KALRN: variants seen among roughly 807,000 people sequenced by gnomAD.
KALRN encodes kalirin RhoGEF kinase.
A neutral mutation model predicts 353.7 loss-of-function variants in KALRN; 70 were observed. The ratio of observed to expected loss-of-function variants is 0.20; its 90% confidence interval spans 0.16 to 0.24. The LOEUF is 0.24. Among genes scored for constraint, KALRN ranks in the 10% least tolerant of loss-of-function variants. The pLI is 1.00. For synonymous variants in KALRN, 1,391 were observed against 1,434.8 expected (o/e 0.97, Z 0.69); for missense variants, 2,791 against 3,756.7 (o/e 0.74, Z 6.72).
intron 26 of KALRN, among the ~76,000 whole-genome samples, chr3:124,476,930 T>G (rs1311790491): frequency 2.0e-5 from 3 of 152,194 alleles, no homozygotes; most frequent in Non-Finnish European, 4.4e-5. Flanking sequence ...AAGGGTAAAA[T>G]CTGTAAATAA....
intron 1 of KALRN, among the ~76,000 whole-genome samples, chr3:124,155,289 T>C (rs1254672450): frequency 6.6e-6 from 1 of 152,198 alleles, no homozygotes; most frequent in African/African-American, 2.4e-5. Context: ...AGAGATTTTT[T>C]TTCTCCTGTT....
At chr3:124,135,996 C>T (rs1352133233) in intron 1 of KALRN, among the ~76,000 whole-genome samples, 1 of 152,130 alleles carries the variant, frequency 6.6e-6, no homozygotes, top group Non-Finnish European at 1.5e-5. Context: ...GTCCTCATCT[C>T]CTTACTGCAG....
chr3:124,374,407 T>A (rs1320392569), intron 10 of KALRN: 1 of 152,240 alleles, frequency 6.6e-6, no homozygotes, highest in Non-Finnish European at 1.5e-5. Flanking sequence ...GTACCTTTGC[T>A]CTTATATCAG....
chr3:124,599,543 G>C (rs919151805), intron 34 of KALRN, among the ~76,000 whole-genome samples: 14 of 152,192 alleles, frequency 9.2e-5, no homozygotes, highest in Non-Finnish European at 1.5e-5. Context: ...GCTGCCTCCT[G>C]CTGCGATAAC....
At chr3:124,466,034 CTGTG>C (rs10639598) in intron 25 of KALRN, among the ~76,000 whole-genome samples, 17,303 of 147,280 alleles carry the variant, frequency 0.12, 1,403 homozygotes, top group East Asian at 0.39. Flanking sequence ...CTCTCTTGCT[CTGTG>C]TGTGTGTGTG....
At chr3:124,111,481 G>A (rs1476127541) in intron 1 of KALRN, among the ~76,000 whole-genome samples, 3 of 152,166 alleles carry the variant, frequency 2.0e-5, no homozygotes, top group Non-Finnish European at 4.4e-5. Flanking sequence ...GTCCCCTGAA[G>A]CACATGGATG....
Position 124,562,947 on chromosome 3 carries a change from G to C in KALRN, c.5040G>C (p.Arg1680=), listed in dbSNP as rs761246064. The change falls in exon 34 of 60, where the codon CGG becomes CGC. Residue 1680 remains arginine, a synonymous_variant. Transcript: ENST00000682506. ...GGCAGACGGTAGAGCTGCTGGAGCG[G>C]CCCAGCGAGCGGCCTGGTTGGTGTC... ...QVGQTVELLE[R]PSERPGWCLV... The C allele has an allele frequency of 7.3e-7, 1 of 1,367,908 alleles. No individual in the cohort carries two copies. Among genetic ancestry groups the C allele is most frequent in the South Asian group, 1.1e-5 (1 of 88,048 alleles). 84.7% of individuals were successfully genotyped at this position (1,367,908 alleles called of 1,614,324 possible).
At chr3:124,407,966 G>A (rs1419516020) in intron 13 of KALRN, among the ~76,000 whole-genome samples, 1 of 151,988 alleles carries the variant, frequency 6.6e-6, no homozygotes, top group Non-Finnish European at 1.5e-5. Flanking sequence ...GTAGAGACGG[G>A]GTTTCACCGT....
chr3:124,093,052 G>A (rs1242533139), intron 1 of KALRN, among the ~76,000 whole-genome samples: 1 of 152,138 alleles, frequency 6.6e-6, no homozygotes, highest in Non-Finnish European at 1.5e-5. Flanking sequence ...TGTCTCTGCC[G>A]AGACCCAATG....
chr3:124,693,949 G>A (rs2061940348), intron 52 of KALRN, 118 bp downstream of exon 52: 1 of 713,782 alleles, frequency 1.4e-6, no homozygotes, highest in Non-Finnish European at 2.3e-6. Flanking sequence ...CAATGGACAA[G>A]GAAAGAGGTT....
At chr3:124,659,016 A>G (rs538675410) in intron 42 of KALRN, among the ~76,000 whole-genome samples, 114 of 152,340 alleles carry the variant, frequency 7.5e-4, no homozygotes, top group African/African-American at 2.5e-3. Context: ...GCCTGGCTCC[A>G]TAGGCTTGTG....
rs1277783302 is a variant in KALRN at position 124,562,877 on chromosome 3, A to G, written c.4970A>G (p.Gln1657Arg). ...SGGCELTVVL[Q>R]DFSAGHSSEL... ...GGATGTGAGCTGACAGTGGTCCTCC[A>G]GGACTTCAGTGCGGGCCACAGCAGT... Residue 1657 changes from glutamine to arginine, a missense_variant, in exon 34 of 60, where the codon CAG becomes CGG. By Grantham distance (43) the Gln-to-Arg change is conservative. This residue lies in a region of KALRN where 239 missense variants were observed against 351.3 expected (regional missense o/e 0.68). Transcript: ENST00000682506. 3.7e-6 allele frequency: 5 copies of G among 1,367,178 alleles called. No individual in the cohort carries two copies. The Admixed American group carries it at 9.5e-5, about 26-fold the overall frequency. The allele number at this position is 1,367,178 out of a possible 1,614,324, so 84.7% of individuals were successfully genotyped here.
At chr3:124,329,120 T>A (rs1211126628) in intron 7 of KALRN, among the ~76,000 whole-genome samples, 3 of 152,238 alleles carry the variant, frequency 2.0e-5, no homozygotes, top group Non-Finnish European at 4.4e-5. Context: ...ACCCAATAAA[T>A]CTGAGTGATT....
intron 34 of KALRN, among the ~76,000 whole-genome samples, chr3:124,620,944 G>A (rs1485544485): frequency 6.6e-6 from 1 of 152,214 alleles, no homozygotes; most frequent in African/African-American, 2.4e-5. Flanking sequence ...CCAGGGTCGT[G>A]GGGAGGACAG....
chr3:124,422,346 G>A (rs746271619), intron 14 of KALRN, among the ~76,000 whole-genome samples: 1 of 151,906 alleles, frequency 6.6e-6, no homozygotes, highest in African/African-American at 2.4e-5. Flanking sequence ...TCATTGAAGT[G>A]AACTTACCAT....
At chr3:124,174,547 C>T (rs1447015750) in intron 1 of KALRN, among the ~76,000 whole-genome samples, 2 of 152,242 alleles carry the variant, frequency 1.3e-5, no homozygotes, top group African/African-American at 4.8e-5. Context: ...AGCCAAGCTC[C>T]CTTCTTCGAG....
At chr3:124,661,666 C>T (rs925168680) in intron 44 of KALRN, among the ~76,000 whole-genome samples, 185 bp from the exon 45 acceptor site, 3 of 152,168 alleles carry the variant, frequency 2.0e-5, no homozygotes, top group Admixed American at 1.3e-4. Context: ...GTGCTGAGGA[C>T]CAACACCCTC....
At chr3:124,183,981 A>G (rs573712854) in intron 1 of KALRN, among the ~76,000 whole-genome samples, 3 of 152,336 alleles carry the variant, frequency 2.0e-5, no homozygotes, top group African/African-American at 7.2e-5. Flanking sequence ...ATCACCATAC[A>G]TATGGTGCTG....
chr3:124,683,790 G>C lies in KALRN; in HGVS notation c.7377+4273G>C, dbSNP rs2061440993. Among the ~76,000 whole-genome samples, 4 of 152,182 alleles carry C rather than the reference G, an allele frequency of 2.6e-5. No homozygotes were observed. In the South Asian group the frequency reaches 6.2e-4, roughly 24 times the overall value. On this transcript the variant is annotated intron_variant, in intron 51 of 59. Coordinates refer to ENST00000682506, the MANE Select transcript of KALRN (RefSeq NM_001388419.1). ...CTTGGGGAGTTAAAAACAGTGTTGG[G>C]ATCTTCTGGGAGAGGGCTCTGAAAG...
Sources: allele counts gnomAD v4.1 joint callset (sites outside exome capture counted in the v4.1 genomes callset), GRCh38; gene constraint gnomAD v4.1.1; regional missense constraint gnomAD v4.1.1; transcripts MANE v1.5; gene names NCBI Gene and HGNC (gene_info 2026-07-23, HGNC 2026-07-21).